METTL2B: variants seen among roughly 807,000 people sequenced by gnomAD.
The protein encoded by METTL2B is methyltransferase 2B, tRNA N3-cytidine, also known as tRNA N(3)-cytidine methyltransferase METTL2B.
Under a neutral mutation model 51.0 loss-of-function variants are expected in METTL2B, and 28 were observed. The observed-to-expected ratio is 0.55, with a 90% confidence interval of 0.41 to 0.75. The LOEUF (loss-of-function observed/expected upper bound fraction) is 0.75, where lower values mean the gene tolerates loss of function less well. METTL2B is among the 30% of genes least tolerant of loss of function. The pLI, the probability that METTL2B is intolerant of heterozygous loss-of-function variation, is 0.00. For missense variants in METTL2B, 313 were observed against 460.7 expected, an observed-to-expected ratio of 0.68 and a Z score of 2.93; for synonymous variants, 128 against 166.3, an observed-to-expected ratio of 0.77 and a Z score of 1.77.
intron 4 of METTL2B, chr7:128,484,230 T>TGTTTGTTTTG (rs1563027678): frequency 1.2e-5 from 1 of 85,982 alleles, no homozygotes; most frequent in Admixed American, 1.3e-4. Flanking sequence ...TTTTTTTTTT[T>TGTTTGTTTTG]TTTTTTTTTT....
chr7:128,478,726 C>T (rs1335408668), intron 2 of METTL2B, among the ~76,000 whole-genome samples: 3 of 56,508 alleles, frequency 5.3e-5, no homozygotes, highest in Non-Finnish European at 3.4e-5. Context: ...ATTAGCCGGG[C>T]GTGGTCGTGG....
At chr7:128,485,470 T>A (rs1792684080) in intron 4 of METTL2B, among the ~76,000 whole-genome samples, 1 of 152,118 alleles carries the variant, frequency 6.6e-6, no homozygotes, top group Non-Finnish European at 1.5e-5. Flanking sequence ...GAGACCATCC[T>A]GGCTAACACA....
Position 128,476,882 on chromosome 7 carries a change from A to T in METTL2B, c.110+7A>T, listed in dbSNP as rs1372114896. 1.2e-6 allele frequency: 2 copies of T among 1,613,452 alleles called. No homozygotes were observed. Among genetic ancestry groups the T allele is most frequent in the Non-Finnish European group, 1.7e-6 (2 of 1,179,834 alleles). On this transcript the variant is annotated splice_region_variant and intron_variant, in intron 1 of 8. Coordinates refer to ENST00000262432, the MANE Select transcript of METTL2B (RefSeq NM_018396.3). ...TCTTCCACCACAATGCCTGGTAATC[A>T]CCCTGCCCCCTCGCCCGGCCTGTCG...
chr7:128,501,744 T>G lies in METTL2B; in HGVS notation c.983-18T>G. The stretch of plus-strand genomic sequence containing the variant: ...CTTGAGGGGAAAATGCATAAACATC[T>G]TTTATTTTCCACACTAGAGGAACTG... On this transcript the variant is annotated intron_variant, in intron 8 of 8. Coordinates refer to ENST00000262432, the MANE Select transcript of METTL2B (RefSeq NM_018396.3). The G allele has an allele frequency of 6.2e-7, 1 of 1,612,370 alleles. No individual in the cohort carries two copies. Among genetic ancestry groups the G allele is most frequent in the Non-Finnish European group, 8.5e-7 (1 of 1,178,974 alleles).
At chr7:128,486,030 A>C (rs1208929449) in intron 4 of METTL2B, among the ~76,000 whole-genome samples, 1 of 152,092 alleles carries the variant, frequency 6.6e-6, no homozygotes, top group African/African-American at 2.4e-5. Flanking sequence ...GTGGTGGCTC[A>C]CTCTTGTAAT....
intron 5 of METTL2B, among the ~76,000 whole-genome samples, chr7:128,491,302 A>G (rs545686858): frequency 6.6e-6 from 1 of 151,694 alleles, no homozygotes; most frequent in African/African-American, 2.4e-5. Context: ...ACTTTAAAAA[A>G]CACAAAAACT....
At chr7:128,495,689 G>A (rs1792912748) in intron 6 of METTL2B, among the ~76,000 whole-genome samples, 1 of 152,048 alleles carries the variant, frequency 6.6e-6, no homozygotes, top group African/African-American at 2.4e-5. Flanking sequence ...CTGACCTCAA[G>A]TTATCCACCC....
At chr7:128,497,162 C>G (rs1268591681) in intron 6 of METTL2B, among the ~76,000 whole-genome samples, 2 of 152,106 alleles carry the variant, frequency 1.3e-5, no homozygotes, top group African/African-American at 4.8e-5. Flanking sequence ...AAGCTTCAAC[C>G]TGCACCAAGA....
chr7:128,501,141 C>T, intron 8 of METTL2B, 173 bp downstream of exon 8: 1 of 985,470 alleles, frequency 1.0e-6, no homozygotes, highest in Non-Finnish European at 1.2e-6. Flanking sequence ...TGGCAGCCAG[C>T]CACTCGGGCC....
chr7:128,484,596 T>G lies in METTL2B; in HGVS notation c.609-3505T>G, dbSNP rs538320261. Reference sequence around the variant, plus strand: ...TTTGTTTGGTTGGTTTTTTGTTTTGTTTTGGTTTGGTTTTGAGGTGGCATC... The same window carrying G: ...TTTGTTTGGTTGGTTTTTTGTTTTGGTTTGGTTTGGTTTTGAGGTGGCATC... On this transcript the variant is annotated intron_variant, in intron 4 of 8. Coordinates refer to ENST00000262432, the MANE Select transcript of METTL2B (RefSeq NM_018396.3). 2.4e-4 allele frequency among the ~76,000 whole-genome samples: 37 copies of G among 152,178 alleles called. No homozygotes were observed. The South Asian group carries it at 5.0e-3, about 20-fold the overall frequency.
At position 128,479,351 on chromosome 7, in the gene METTL2B, A is replaced by G. The variant is rs745993351; in HGVS notation, c.396A>G (p.Gly132=). 1.5e-5 allele frequency: 25 copies of G among 1,614,122 alleles called. No homozygotes were observed. The East Asian group carries it at 5.1e-4, about 33-fold the overall frequency. ...EVCECRNNED[G]PGLIMEEQHK... is the part of the protein sequence containing the mutation. ...GTGAATGTAGAAACAATGAGGATGGACCTGGTTTAATAATGGAAGAACAGC... is the reference window on the plus strand; with the variant it reads ...GTGAATGTAGAAACAATGAGGATGGGCCTGGTTTAATAATGGAAGAACAGC... The change falls in exon 3 of 9, where the codon GGA becomes GGG. Residue 132 remains glycine (G), a synonymous_variant. Transcript: ENST00000262432.
intron 4 of METTL2B, chr7:128,482,933 G>A (rs974791816): frequency 2.0e-5 from 3 of 152,120 alleles, no homozygotes; most frequent in African/African-American, 7.2e-5. Flanking sequence ...TATATACTTT[G>A]CCAATTTAGC....
chr7:128,477,878 A>G lies in METTL2B; in HGVS notation c.202+705A>G. The G allele has an allele frequency of 7.1e-6, 3 of 422,802 alleles. No homozygotes were observed. In the East Asian group the frequency reaches 2.2e-4, roughly 31 times the overall value. 26.2% of individuals were successfully genotyped at this position (422,802 alleles called of 1,614,324 possible). On this transcript the variant is annotated intron_variant, in intron 2 of 8. Coordinates refer to ENST00000262432, the MANE Select transcript of METTL2B (RefSeq NM_018396.3). ...ATTCACCCTGCATAGTCTGACAGCA[A>G]CTAGATCAAAGCAAGTTAATAGTTA...
In METTL2B at chr7:128,497,442, G is replaced by A. The variant is rs1181316393; in HGVS notation, c.810-594G>A. Reference sequence around the variant, plus strand: ...GGCAAAGATGGCTATCTAGGACAGTGGGGAAGTGATCCAGATGGAGAGCAG... The same window carrying A: ...GGCAAAGATGGCTATCTAGGACAGTAGGGAAGTGATCCAGATGGAGAGCAG... On this transcript the variant is annotated intron_variant, in intron 6 of 8. Transcript: ENST00000262432. 3.3e-5 allele frequency among the ~76,000 whole-genome samples: 5 copies of A among 152,174 alleles called. No individual in the cohort carries two copies. The East Asian group carries it at 5.8e-4, about 18-fold the overall frequency.
intron 3 of METTL2B, among the ~76,000 whole-genome samples, chr7:128,480,373 A>T (rs1799858419): frequency 6.6e-6 from 1 of 152,196 alleles, no homozygotes; most frequent in African/African-American, 2.4e-5. Flanking sequence ...TCTACAGGAC[A>T]ATTTGCTAGA....
At position 128,503,436 on chromosome 7, in the gene METTL2B, T is replaced by TTTTTC. The variant is rs1158121612; in HGVS notation, c.*1524_*1525insCTTTT. 6.7e-6 allele frequency: 1 copy of TTTTTC among 149,622 alleles called. No homozygotes were observed. Among genetic ancestry groups the TTTTTC allele is most frequent in the East Asian group, 2.0e-4 (1 of 5,124 alleles). The allele number at this position is 149,622 out of a possible 1,614,324, so 9.3% of individuals were successfully genotyped here. On this transcript the variant is annotated 3_prime_UTR_variant, in exon 9 of 9. Transcript: ENST00000262432. Reference sequence around the variant, plus strand: ...TGATCACTGTCAGTGTTAGATGCTTTTTTTTTTTTTTTTTAGGAGACAGGG... The same window carrying TTTTTC: ...TGATCACTGTCAGTGTTAGATGCTTTTTTTCTTTTTTTTTTTTTTAGGAGACAGGG...
chr7:128,478,252 CTTT>C (rs1273795166), intron 2 of METTL2B, among the ~76,000 whole-genome samples: 14 of 140,958 alleles, frequency 9.9e-5, no homozygotes, highest in Admixed American at 1.4e-4. Flanking sequence ...ACTGTCCATA[CTTT>C]TTTTTTTTTT....
intron 4 of METTL2B, 90 bp downstream of exon 4, chr7:128,480,786 T>G: frequency 7.7e-7 from 1 of 1,293,424 alleles, no homozygotes; most frequent in South Asian, 1.5e-5. Context: ...TCCCAGCACT[T>G]TGGGAGGCCA....
chr7:128,501,377 T>G (rs1793027742), intron 8 of METTL2B: 1 of 985,364 alleles, frequency 1.0e-6, no homozygotes, highest in African/African-American at 1.7e-5. Flanking sequence ...ACAGGCTTCA[T>G]CCTTCACTTG....
Sources: allele counts gnomAD v4.1 joint callset (sites outside exome capture counted in the v4.1 genomes callset), GRCh38; gene constraint gnomAD v4.1.1; transcripts MANE v1.5; gene names NCBI Gene and HGNC (gene_info 2026-07-23, HGNC 2026-07-21).